The following DHX33 variants were observed in gnomAD, a reference collection of about 807,000 sequenced individuals.
DHX33 encodes ATP-dependent RNA helicase DHX33.
DHX33 carries 42 observed loss-of-function variants against 72.5 expected under a neutral mutation model. That is an observed-to-expected ratio of 0.58 (90% CI 0.45 to 0.75). The LOEUF (loss-of-function observed/expected upper bound fraction) is 0.75. Ranked by LOEUF, DHX33 falls within the 30% of genes least tolerant of loss-of-function variation. The probability of loss-of-function intolerance (pLI) is 0.00; values close to 1 mark genes in which losing one functional copy is unlikely to be tolerated. For missense variants in DHX33, 842 were observed against 917.5 expected (o/e 0.92, Z 1.06); for synonymous variants, 358 against 366.1 (o/e 0.98, Z 0.25).
intron 1 of DHX33, among the ~76,000 whole-genome samples, chr17:5,464,934 C>T (rs1904806810): frequency 6.6e-6 from 1 of 152,358 alleles, no homozygotes; most frequent in African/African-American, 2.4e-5. Context: ...CAGTGGCCCT[C>T]CTCTGGGCTC....
At chr17:5,467,688 A>G (rs773479444) in intron 1 of DHX33, among the ~76,000 whole-genome samples, 24 of 152,122 alleles carry the variant, frequency 1.6e-4, no homozygotes, top group Non-Finnish European at 1.2e-4. Context: ...TGTCTGCCCC[A>G]AGATAACATC....
In DHX33 at chr17:5,444,341, G is replaced by A. The variant is rs1435851207; in HGVS notation, c.1988C>T (p.Pro663Leu). Residue 663 changes from proline (P) to leucine (L), a missense_variant, in exon 12 of 12, where the codon CCG becomes CTG. Transcript: ENST00000225296. This position sits in a 1 kb window ranked among gnomAD's most constrained non-coding sequence, Gnocchi z 4.9. ...HPSSVLFHCK[P>L]ACVVYTELLY... ...CAGCTCAGTGTACACGACGCAGGCC[G>A]GCTTGCAGTGGAAGAGGACAGACGA... 9 of 1,613,980 alleles carry A rather than the reference G, an allele frequency of 5.6e-6. No homozygotes were observed. Among genetic ancestry groups the A allele is most frequent in the Non-Finnish European group, 7.6e-6 (9 of 1,180,022 alleles).
Position 5,444,399 on chromosome 17 carries a change from T to C in DHX33, c.1930A>G (p.Thr644Ala). The change falls in exon 12 of 12, where the codon ACG becomes GCG. Residue 644 changes from threonine (T) to alanine (A), a missense_variant. Thr to Ala is a moderately conservative substitution (Grantham distance 58). Transcript: ENST00000225296. The surrounding 1 kb of genome is among the most constrained non-coding windows in gnomAD (Gnocchi z 4.9). ...ATGGCCACTGGCTGGTGGGTGTCCG[T>C]GGTGGCATAGGTGCCATCTGGCTGA... is the stretch of plus-strand genomic sequence containing the variant. ...ELQPDGTYAT[T>A]DTHQPVAIHP... 6.2e-7 allele frequency: 1 copy of C among 1,614,226 alleles called. No homozygotes were observed. The highest frequency in any genetic ancestry group is 1.3e-5 in the African/African-American group (1 of 75,072).
rs1904736887 is a variant in DHX33, at chr17:5,463,562, G to A, written c.417C>T (p.Val139=). The change falls in exon 2 of 12, where the codon GTC becomes GTT. Residue 139 remains valine, a synonymous_variant. Transcript: ENST00000225296. ...RVAAISLATR[V]SDEKRTELGK... is the part of the protein sequence containing the mutation. ...CAAGTTCAGTTCTCTTCTCATCTGA[G>A]ACTCTAGTAGCAAGAGAGATGGCAG... 1 of 1,614,034 alleles carries A rather than the reference G, an allele frequency of 6.2e-7. No individual in the cohort carries two copies. The highest frequency in any genetic ancestry group is 1.1e-5 in the South Asian group (1 of 91,084).
At chr17:5,447,120 C>T (rs1445845452) in intron 11 of DHX33, among the ~76,000 whole-genome samples, 7 of 152,230 alleles carry the variant, frequency 4.6e-5, no homozygotes, top group Admixed American at 4.6e-4. Flanking sequence ...ACTTCCGCTA[C>T]CCTCTATCTC....
rs181243067 is a variant in DHX33, at chr17:5,455,071, T to C, written c.1147+89A>G. On this transcript the variant is annotated intron_variant, in intron 6 of 11. Coordinates refer to ENST00000225296, the MANE Select transcript of DHX33 (RefSeq NM_020162.4). ...CACCTGAATTTGTTAGTTACAAACA[T>C]GAAACACTCAGGGGAAAACTGTGGG... 9,390 of 1,209,570 alleles carry C rather than the reference T, an allele frequency of 7.8e-3. 41 individuals carry two copies. The highest frequency in any genetic ancestry group is 9.7e-3 in the Non-Finnish European group (8,067 of 827,800). The allele number at this position is 1,209,570 out of a possible 1,614,324, so 74.9% of individuals were successfully genotyped here.
At chr17:5,446,269 A>G (rs1016055414) in intron 11 of DHX33, among the ~76,000 whole-genome samples, 61 of 152,166 alleles carry the variant, frequency 4.0e-4, no homozygotes, top group African/African-American at 9.9e-4. Flanking sequence ...GCCAGCCACC[A>G]CACCTGGCCT....
Position 5,442,457 on chromosome 17 carries a change from A to G in DHX33, c.*1748T>C, listed in dbSNP as rs1888418056. 6.6e-6 allele frequency: 1 copy of G among 152,186 alleles called. No homozygotes were observed. The highest frequency in any genetic ancestry group is 2.1e-4 in the South Asian group (1 of 4,834). The allele number at this position is 152,186 out of a possible 1,614,324, so 9.4% of individuals were successfully genotyped here. A position where few individuals can be genotyped will look rare whatever the true frequency, so the allele number is the denominator to read the frequency against. ...TCAAAGTTTAAGAATTCAGTAAGATAAGGTATATAGGAGCTGTCAGATCTT... is the reference window on the plus strand; with the variant it reads ...TCAAAGTTTAAGAATTCAGTAAGATGAGGTATATAGGAGCTGTCAGATCTT... On this transcript the variant is annotated 3_prime_UTR_variant, in exon 12 of 12. Transcript: ENST00000225296.
intron 1 of DHX33, among the ~76,000 whole-genome samples, chr17:5,464,848 A>G (rs1904801529): frequency 6.6e-6 from 1 of 152,198 alleles, no homozygotes; most frequent in South Asian, 2.1e-4. Flanking sequence ...CACTATGGGC[A>G]GAACACCTGC....
chr17:5,455,408 A>T (rs1473960265), intron 5 of DHX33, 137 bp from the exon 6 acceptor site: 1 of 724,834 alleles, frequency 1.4e-6, no homozygotes, highest in Non-Finnish European at 2.3e-6. Context: ...GGCAGTCATT[A>T]ATATTAATGG....
intron 10 of DHX33, among the ~76,000 whole-genome samples, chr17:5,449,554 A>C (rs1916801366): frequency 6.6e-6 from 1 of 152,178 alleles, no homozygotes; most frequent in African/African-American, 2.4e-5. Flanking sequence ...CTCATGCCTC[A>C]GCCTCCCGAG....
chr17:5,461,683 A>T (rs1445990702), intron 3 of DHX33, among the ~76,000 whole-genome samples: 1 of 150,424 alleles, frequency 6.6e-6, no homozygotes, highest in Non-Finnish European at 1.5e-5. Flanking sequence ...TAGTAGCTGG[A>T]ACGACAGGCA....
At chr17:5,465,559 A>G (rs969273966) in intron 1 of DHX33, among the ~76,000 whole-genome samples, 1 of 152,220 alleles carries the variant, frequency 6.6e-6, no homozygotes, top group African/African-American at 2.4e-5. Context: ...CTGAAGTCCT[A>G]AATGCTCCCA....
intron 10 of DHX33, among the ~76,000 whole-genome samples, chr17:5,449,992 T>G (rs1304686252): frequency 6.6e-6 from 1 of 152,220 alleles, no homozygotes; most frequent in East Asian, 1.9e-4. Flanking sequence ...TAAGTCTTGT[T>G]GACTTAAACA....
chr17:5,449,805 A>G lies in DHX33; in HGVS notation c.1728+398T>C, dbSNP rs915950959. On this transcript the variant is annotated intron_variant, in intron 10 of 11. Transcript: ENST00000225296. ...ACATGTTTCATGAATATAAAAAATA[A>G]TAATTATAGTGCTCATTTCTTAGGA... Among the ~76,000 whole-genome samples, 5 of 152,238 alleles carry G rather than the reference A, an allele frequency of 3.3e-5. No individual in the cohort carries two copies. The South Asian group carries it at 6.2e-4, about 19-fold the overall frequency.
Position 5,453,754 on chromosome 17 carries a change from G to A in DHX33, c.1307+67C>T, listed in dbSNP as rs910377966. Reference sequence around the variant, plus strand: ...TCATGGTGGAGTGTGAGTAAAAACTGCAGCTCTGGGCAAGCAGGAGAGACA... The same window carrying A: ...TCATGGTGGAGTGTGAGTAAAAACTACAGCTCTGGGCAAGCAGGAGAGACA... On this transcript the variant is annotated intron_variant, in intron 7 of 11. Coordinates refer to ENST00000225296, the MANE Select transcript of DHX33 (RefSeq NM_020162.4). 23 of 1,612,224 alleles carry A rather than the reference G, an allele frequency of 1.4e-5. No individual in the cohort carries two copies. In the African/African-American group the frequency reaches 3.1e-4, roughly 22 times the overall value.
chr17:5,456,172 G>C lies in DHX33; in HGVS notation c.860C>G (p.Ser287Cys), dbSNP rs1308590091. Reference sequence around the variant, plus strand: ...GAGGAACACCAGGATGTCCTGTGAAGAAGGGGCTTCCTGTAAAAAAAGTAG... The same window carrying C: ...GAGGAACACCAGGATGTCCTGTGAACAAGGGGCTTCCTGTAAAAAAAGTAG... ...SVFQIHQEAPSSQDILVFLTG... is the reference protein window; with the variant it reads ...SVFQIHQEAPCSQDILVFLTG... Residue 287 changes from serine (S) to cysteine (C), a missense_variant, in exon 5 of 12, where the codon TCT becomes TGT. By Grantham distance (112) the Ser-to-Cys change is moderately radical. Coordinates refer to ENST00000225296, the MANE Select transcript of DHX33 (RefSeq NM_020162.4). 1 of 1,613,916 alleles carries C rather than the reference G, an allele frequency of 6.2e-7. No homozygotes were observed. The highest frequency in any genetic ancestry group is 8.5e-7 in the Non-Finnish European group (1 of 1,179,812).
chr17:5,451,647 AT>A (rs1916919245), intron 8 of DHX33, among the ~76,000 whole-genome samples: 1 of 152,198 alleles, frequency 6.6e-6, no homozygotes, highest in Non-Finnish European at 1.5e-5. Context: ...ACTATTTACT[AT>A]TTTATATATT....
intron 4 of DHX33, 115 bp downstream of exon 4, chr17:5,460,824 G>A: frequency 3.1e-6 from 4 of 1,289,352 alleles, no homozygotes; most frequent in Non-Finnish European, 4.2e-6. Flanking sequence ...TCATCTTGAT[G>A]ACACAACTCA....
Sources: gnomAD v4.1 joint callset for allele counts (sites outside exome capture counted in the v4.1 genomes callset) on GRCh38, gnomAD v4.1.1 for gene constraint, Gnocchi (gnomAD v3.1) non-coding constraint, MANE v1.5 for transcripts, NCBI Gene and HGNC (gene_info 2026-07-23, HGNC 2026-07-21) for gene names.